Variants in XBP1 observed in about 807,000 individuals in gnomAD.
XBP1 encodes the protein X-box-binding protein 1.
A neutral mutation model predicts 34.6 loss-of-function variants in XBP1; 18 were observed. The ratio of observed to expected loss-of-function variants is 0.52; its 90% CI spans 0.36 to 0.77. The LOEUF (loss-of-function observed/expected upper bound fraction) is 0.77, where lower values mean the gene tolerates loss of function less well. Among genes scored for constraint, XBP1 ranks in the 30% least tolerant of loss-of-function variants. The pLI is 0.00. For synonymous variants in XBP1, 191 were observed against 193.4 expected (o/e 0.99, Z 0.11); for missense variants, 422 against 464.6 (o/e 0.91, Z 0.84).
At chr22:28,800,368 C>G (rs747939605) in exon 1 of XBP1, 6 of 1,541,500 alleles carry the variant, frequency 3.9e-6, no homozygotes, top group South Asian at 1.2e-5. Flanking sequence ...GGCAGCCCCC[C>G]GCTCGCTGCC....
Position 28,799,054 on chromosome 22 carries a change from T to C in XBP1, c.324+3A>G. On this transcript the variant is annotated splice_donor_region_variant and intron_variant, in intron 2 of 5. Transcript: ENST00000344347. ...AAAAGAGTTTGACCTTAAGTAGTTT[T>C]ACCTCTTCTTCTAAATCTACCACTT... 1 of 1,612,944 alleles carries C rather than the reference T, an allele frequency of 6.2e-7. No homozygotes were observed. The highest frequency in any genetic ancestry group is 1.1e-5 in the South Asian group (1 of 91,032).
At chr22:28,796,257 T>C (rs1011406522) in intron 3 of XBP1, 65 bp from the exon 4 acceptor site, 1 of 1,433,514 alleles carries the variant, frequency 7.0e-7, no homozygotes, top group Non-Finnish European at 9.2e-7. Context: ...GCTAGACAGC[T>C]GTGATTCTCA....
At chr22:28,795,659 G>A in exon 6 of XBP1, 1 of 1,600,240 alleles carries the variant, frequency 6.2e-7, no homozygotes, top group Non-Finnish European at 8.5e-7. Context: ...CTCCAGGCTG[G>A]CAGGCTCTGG....
downstream of XBP1, chr22:28,794,726 C>T (rs1197203719): frequency 1.3e-5 from 2 of 152,910 alleles, no homozygotes; most frequent in African/African-American, 4.8e-5. Context: ...GGAAAGAGCC[C>T]CCTCAGCAGG....
chr22:28,795,881 C>T, intron 5 of XBP1, 149 bp from the exon 6 acceptor site: 3 of 1,221,956 alleles, frequency 2.5e-6, no homozygotes, highest in Non-Finnish European at 2.3e-6. Flanking sequence ...ATCTACACTT[C>T]ACTCCATGTT....
At chr22:28,796,875 A>C in intron 3 of XBP1, 1 of 509,226 alleles carries the variant, frequency 2.0e-6, no homozygotes, top group East Asian at 3.8e-5. Flanking sequence ...ATTAGATCTT[A>C]GTACTGTTCA....
exon 1 of XBP1, chr22:28,800,436 G>A (rs2031860406): frequency 6.8e-7 from 1 of 1,480,282 alleles, no homozygotes; most frequent in Non-Finnish European, 8.9e-7. Flanking sequence ...GCCGGCCGGG[G>A]CTCCGGCGGC....
At chr22:28,798,460 C>G (rs2031792322) in intron 2 of XBP1, among the ~76,000 whole-genome samples, 1 of 151,484 alleles carries the variant, frequency 6.6e-6, no homozygotes, top group South Asian at 2.1e-4. Context: ...AGGTGCCTGC[C>G]ACGACACCCG....
intron 3 of XBP1, chr22:28,796,642 C>A (rs2031756734): frequency 1.2e-5 from 2 of 170,772 alleles, no homozygotes; most frequent in Non-Finnish European, 2.5e-5. Context: ...TAGACTAAAA[C>A]TCACATACCA....
intron 3 of XBP1, 130 bp from the exon 4 acceptor site, chr22:28,796,322 T>C: frequency 2.5e-6 from 2 of 791,512 alleles, no homozygotes; most frequent in Non-Finnish European, 1.9e-6. Context: ...TATAGAACTT[T>C]ATTATCTAAC....
intron 3 of XBP1, 51 bp downstream of exon 3, chr22:28,797,026 T>G: frequency 1.3e-6 from 2 of 1,556,604 alleles, no homozygotes; most frequent in South Asian, 2.4e-5. Flanking sequence ...CTGGGTCATG[T>G]CACTTGGAAC....
chr22:28,798,908 A>C (rs1249831048), intron 2 of XBP1, 149 bp downstream of exon 2: 2 of 619,284 alleles, frequency 3.2e-6, no homozygotes, highest in Admixed American at 2.9e-5. Context: ...GGCATGAGCC[A>C]CCATGCCCAG....
exon 6 of XBP1, chr22:28,795,451 T>C (rs759803215): frequency 1.9e-6 from 3 of 1,606,724 alleles, no homozygotes; most frequent in African/African-American, 1.3e-5. Context: ...GGCTGAGAGG[T>C]GCTTCCTCGA....
At chr22:28,795,453 C>A in exon 6 of XBP1, 1 of 1,608,618 alleles carries the variant, frequency 6.2e-7, no homozygotes, top group Non-Finnish European at 8.5e-7. Flanking sequence ...CTGAGAGGTG[C>A]TTCCTCGATT....
chr22:28,799,028 T>C, intron 2 of XBP1, 29 bp downstream of exon 2: 1 of 1,575,208 alleles, frequency 6.3e-7, no homozygotes, highest in South Asian at 1.1e-5. Context: ...ATACAATGGA[T>C]AAAAGAGTTT....
chr22:28,795,016 A>T (rs1227314089), downstream of XBP1: 1 of 588,366 alleles, frequency 1.7e-6, no homozygotes, highest in Non-Finnish European at 2.7e-6. Context: ...TCAAAAGACA[A>T]TACCTGGGGG....
At chr22:28,800,335 G>T in exon 1 of XBP1, 1 of 1,550,326 alleles carries the variant, frequency 6.5e-7, no homozygotes, top group Non-Finnish European at 8.7e-7. Flanking sequence ...AGGTGCGTGA[G>T]GCGCTGTCGC....
At chr22:28,795,382 A>G (rs1192877028) in exon 6 of XBP1, 26 of 1,554,352 alleles carry the variant, frequency 1.7e-5, no homozygotes, top group African/African-American at 2.7e-5. Context: ...GAACGAGGTC[A>G]TCTTCTACAG....
At chr22:28,798,918 G>A (rs1569204978) in intron 2 of XBP1, 139 bp downstream of exon 2, 2 of 668,236 alleles carry the variant, frequency 3.0e-6, no homozygotes, top group South Asian at 3.8e-5. Flanking sequence ...ACCATGCCCA[G>A]CCTAGTTTAA....
Sources: gnomAD v4.1 joint callset for allele counts (sites outside exome capture counted in the v4.1 genomes callset) on GRCh38, gnomAD v4.1.1 for gene constraint, MANE v1.5 for transcripts, NCBI Gene and HGNC (gene_info 2026-07-23, HGNC 2026-07-21) for gene names.